The following RP1 variants were observed in gnomAD, a reference collection of about 807,000 sequenced individuals.
RP1 encodes the protein RP1 axonemal microtubule associated.
Under a neutral mutation model 14.8 loss-of-function variants are expected in RP1, and 16 were observed. The observed-to-expected ratio is 1.08, with a 90% CI of 0.73 to 1.65. The LOEUF is 1.65. RP1 is among the 40% of genes most tolerant of loss of function. RP1 has a pLI of 0.00. For missense variants in RP1, 2,631 were observed against 2,535.0 expected (o/e 1.04, Z -0.81); for synonymous variants, 876 against 883.6 (o/e 0.99, Z 0.15).
chr8:54,663,882 T>C (rs1271710953), intron 7 of RP1: 1 of 1,491,436 alleles, frequency 6.7e-7, no homozygotes, highest in African/African-American at 1.4e-5. Flanking sequence ...TTTAAAAAGA[T>C]TAATCATGGT....
At chr8:54,655,013 T>A (rs915081969) in intron 5 of RP1, among the ~76,000 whole-genome samples, 1 of 152,312 alleles carries the variant, frequency 6.6e-6, no homozygotes, top group Non-Finnish European at 1.5e-5. Flanking sequence ...ATTTAAGGCA[T>A]TCTCAAAAGA....
intron 19 of RP1, among the ~76,000 whole-genome samples, chr8:54,739,972 C>T (rs529676285): frequency 1.3e-3 from 197 of 151,844 alleles, no homozygotes; most frequent in African/African-American, 4.6e-3. Context: ...AGAAGAATAG[C>T]ATATTCAATT....
downstream of RP1, among the ~76,000 whole-genome samples, chr8:54,632,462 A>G (rs1287712241): frequency 6.6e-6 from 1 of 152,208 alleles, no homozygotes; most frequent in Non-Finnish European, 1.5e-5. Context: ...GTTCACATGC[A>G]TTGAATTCTG....
rs1421364945 is a variant in RP1, at chr8:54,769,612, T to C, written c.3249-129T>C. 9.1e-6 allele frequency: 6 copies of C among 662,308 alleles called. No individual in the cohort carries two copies. In the Admixed American group the frequency reaches 1.7e-4, roughly 19 times the overall value. 41.0% of individuals were successfully genotyped at this position (662,308 alleles called of 1,614,324 possible). A position where few individuals can be genotyped will look rare whatever the true frequency, so the allele number is the denominator to read the frequency against. On this transcript the variant is annotated intron_variant, in intron 22 of 22. Coordinates refer to the RP1 transcript ENST00000636932. ...TGTGTTTGACTATATAAAAAGCAAC[T>C]TTATAGTTAACATTTAGTGTGCAAA...
At chr8:54,869,498 T>C (rs1387651297) in intron 28 of RP1, among the ~76,000 whole-genome samples, 7 of 152,240 alleles carry the variant, frequency 4.6e-5, no homozygotes, top group African/African-American at 1.7e-4. Context: ...TGTGTATACC[T>C]GCCAGTCACA....
chr8:54,641,914 A>G (rs375555934), intron 3 of RP1, among the ~76,000 whole-genome samples: 2 of 152,196 alleles, frequency 1.3e-5, no homozygotes, highest in East Asian at 1.9e-4. Flanking sequence ...CAAAATGATT[A>G]TGTGTGACGC....
chr8:54,706,542 T>G, exon 15 of RP1: 1 of 1,535,964 alleles, frequency 6.5e-7, no homozygotes, highest in Non-Finnish European at 8.7e-7. Context: ...GGGAAGCCAG[T>G]CTGAAAAATC....
downstream of RP1, among the ~76,000 whole-genome samples, chr8:54,773,690 T>C (rs1250129877): frequency 6.6e-6 from 1 of 152,106 alleles, no homozygotes; most frequent in East Asian, 1.9e-4. Flanking sequence ...GGCTCAGAAG[T>C]GTAAGAACCT....
intron 1 of RP1, among the ~76,000 whole-genome samples, chr8:54,595,947 G>C (rs1242139975): frequency 6.6e-6 from 1 of 151,958 alleles, no homozygotes; most frequent in Non-Finnish European, 1.5e-5. Context: ...CTTTCATTTA[G>C]CAAATAAATT....
chr8:54,803,208 G>A (rs924348906), intron 24 of RP1, among the ~76,000 whole-genome samples: 13 of 151,796 alleles, frequency 8.6e-5, no homozygotes, highest in Admixed American at 2.0e-4. Flanking sequence ...ATGAATTTTC[G>A]TAGCTACTTT....
intron 19 of RP1, among the ~76,000 whole-genome samples, chr8:54,743,530 T>C (rs1046877673): frequency 1.3e-5 from 2 of 152,224 alleles, no homozygotes; most frequent in African/African-American, 2.4e-5. Flanking sequence ...TACCAGCGTG[T>C]ACTTGCAGAT....
At chr8:54,617,529 G>A (rs1300302492) in intron 1 of RP1, among the ~76,000 whole-genome samples, 5 of 152,148 alleles carry the variant, frequency 3.3e-5, no homozygotes, top group South Asian at 2.1e-4. Flanking sequence ...TAATGACCAC[G>A]TTGCTAGTCT....
exon 5 of RP1, chr8:54,652,813 A>G: frequency 6.5e-7 from 1 of 1,535,926 alleles, no homozygotes; most frequent in Non-Finnish European, 8.7e-7. Context: ...ACTCTTTAAG[A>G]TTCGTATTGG....
chr8:54,803,580 A>G (rs78912715), intron 24 of RP1, among the ~76,000 whole-genome samples: 4,366 of 152,214 alleles, frequency 0.029, 121 homozygotes, highest in African/African-American at 0.064. Flanking sequence ...TCCTTAAAAG[A>G]GTTGCTTATT....
intron 24 of RP1, among the ~76,000 whole-genome samples, chr8:54,801,241 G>A (rs549649121): frequency 1.5e-4 from 23 of 152,308 alleles, no homozygotes; most frequent in Non-Finnish European, 2.1e-4. Flanking sequence ...GCAGCTCACA[G>A]CTGTATTCCA....
At chr8:54,839,539 A>T (rs530472925) in intron 25 of RP1, among the ~76,000 whole-genome samples, 52 of 152,234 alleles carry the variant, frequency 3.4e-4, no homozygotes, top group African/African-American at 9.4e-4. Context: ...CTGGCCCCTC[A>T]TCAGTTCCTT....
At chr8:54,710,023 T>C (rs931835359) in intron 15 of RP1, among the ~76,000 whole-genome samples, 11 of 152,124 alleles carry the variant, frequency 7.2e-5, no homozygotes, top group Admixed American at 7.2e-4. Context: ...CCCCATGTTT[T>C]TGTGCTGGGA....
intron 24 of RP1, among the ~76,000 whole-genome samples, chr8:54,795,258 C>A (rs1810552809): frequency 6.6e-6 from 1 of 152,048 alleles, no homozygotes; most frequent in African/African-American, 2.4e-5. Context: ...AAATCAGTAT[C>A]TTGAAGAGAT....
chr8:54,710,277 G>A (rs893382985), intron 15 of RP1, among the ~76,000 whole-genome samples: 1 of 152,204 alleles, frequency 6.6e-6, no homozygotes, highest in Non-Finnish European at 1.5e-5. Flanking sequence ...GCAAACAAGT[G>A]CAGGCACTGG....
Sources: gnomAD v4.1 joint callset for allele counts (sites outside exome capture counted in the v4.1 genomes callset) on GRCh38, gnomAD v4.1.1 for gene constraint, MANE v1.5 for transcripts, NCBI Gene and HGNC (gene_info 2026-07-23, HGNC 2026-07-21) for gene names.